Variants in ST3GAL3 observed in about 807,000 individuals in gnomAD.
The protein encoded by ST3GAL3 is CMP-N-acetylneuraminate-beta-1,4-galactoside alpha-2,3-sialyltransferase.
Under a neutral mutation model 50.1 loss-of-function variants are expected in ST3GAL3, and 21 were observed. The observed-to-expected ratio is 0.42, with a 90% CI of 0.30 to 0.60. The LOEUF is 0.60. Among genes scored for constraint, ST3GAL3 ranks in the 20% least tolerant of loss-of-function variants. The pLI is 0.19. For missense variants in ST3GAL3, 353 were observed against 489.4 expected, an observed-to-expected ratio of 0.72 and a Z score of 2.63; for synonymous variants, 183 against 190.0, an observed-to-expected ratio of 0.96 and a Z score of 0.30.
At chr1:43,923,404 T>C (rs1422791351) in intron 11 of ST3GAL3, among the ~76,000 whole-genome samples, 1 of 152,214 alleles carries the variant, frequency 6.6e-6, no homozygotes, top group Non-Finnish European at 1.5e-5. Flanking sequence ...TTTTGGTTCT[T>C]AGCCCCTTCA....
In ST3GAL3 at chr1:43,899,058, C is replaced by A; in HGVS notation, c.462-110C>A. On this transcript the variant is annotated intron_variant, in intron 7 of 11. Coordinates refer to ENST00000347631, the MANE Select transcript of ST3GAL3 (RefSeq NM_006279.5). This position sits in a 1 kb window ranked among gnomAD's most constrained non-coding sequence, Gnocchi z 5.4. ...CCAGAAGCCCATTGGTCTTCTTCCT[C>A]TATCCCAGCCTGGTCCTGGACAAGG... The A allele has an allele frequency of 6.7e-7, 1 of 1,503,018 alleles. No homozygotes were observed. The highest frequency in any genetic ancestry group is 1.9e-5 in the Admixed American group (1 of 54,010). 93.1% of individuals were successfully genotyped at this position (1,503,018 alleles called of 1,614,324 possible).
chr1:43,847,322 A>G (rs2066420252), intron 5 of ST3GAL3, among the ~76,000 whole-genome samples: 2 of 152,246 alleles, frequency 1.3e-5, no homozygotes, highest in Admixed American at 6.5e-5. Context: ...AACTGAAAGC[A>G]GGGCTCCAAA....
At chr1:43,735,549 C>G (rs1249510654) in intron 1 of ST3GAL3, among the ~76,000 whole-genome samples, 1 of 152,152 alleles carries the variant, frequency 6.6e-6, no homozygotes, top group Non-Finnish European at 1.5e-5. Flanking sequence ...GCTGCACGAA[C>G]TGAATTCAGC....
At position 43,724,038 on chromosome 1, in the gene ST3GAL3, T is replaced by C. The variant is rs116575253; in HGVS notation, c.-30-12195T>C. Among the ~76,000 whole-genome samples, 508 of 152,240 alleles carry C rather than the reference T, an allele frequency of 3.3e-3. 4 individuals are homozygous for C. Among genetic ancestry groups the C allele is most frequent in the African/African-American group, 0.012 (491 of 41,540 alleles). ...AATGAGAATGTAAGAAAGCCTAAGA[T>C]AGCACCCTGAGCTGCTCTCTATATT... On this transcript the variant is annotated intron_variant, in intron 1 of 11. Transcript: ENST00000347631.
intron 2 of ST3GAL3, among the ~76,000 whole-genome samples, chr1:43,771,643 C>T (rs2154132924): frequency 6.6e-6 from 1 of 152,216 alleles, no homozygotes; most frequent in South Asian, 2.1e-4. Context: ...AGGCGTGAGC[C>T]ACCGCGCCCG....
intron 4 of ST3GAL3, among the ~76,000 whole-genome samples, chr1:43,824,062 T>A (rs2154186162): frequency 6.6e-6 from 1 of 152,362 alleles, no homozygotes. Flanking sequence ...ATATTCACAA[T>A]GCCTAGTATA....
At chr1:43,759,055 AAAAGC>A (rs1230942778) in intron 2 of ST3GAL3, among the ~76,000 whole-genome samples, 1 of 119,360 alleles carries the variant, frequency 8.4e-6, no homozygotes, top group African/African-American at 3.8e-5. Flanking sequence ...AAAAACAAAC[AAAAGC>A]GCGCGCACAC....
chr1:43,779,023 A>G (rs571004781), intron 2 of ST3GAL3, among the ~76,000 whole-genome samples: 16 of 147,340 alleles, frequency 1.1e-4, no homozygotes, highest in African/African-American at 4.1e-4. Flanking sequence ...GCTCACTGCA[A>G]CCTCCACCTC....
intron 5 of ST3GAL3, among the ~76,000 whole-genome samples, chr1:43,863,595 C>A (rs953590776): frequency 6.6e-6 from 1 of 152,184 alleles, no homozygotes; most frequent in Non-Finnish European, 1.5e-5. Context: ...TTCTGCAATT[C>A]GGAGATCATA....
chr1:43,920,175 GTTACACAC>G, intron 9 of ST3GAL3: 3 of 596,000 alleles, frequency 5.0e-6, no homozygotes, highest in South Asian at 1.9e-5. Flanking sequence ...ATCCTCCTCT[GTTACACAC>G]TGGAGCCCCA....
chr1:43,900,435 T>G (rs2078106168), intron 9 of ST3GAL3, among the ~76,000 whole-genome samples: 1 of 152,166 alleles, frequency 6.6e-6, no homozygotes, highest in Non-Finnish European at 1.5e-5. Context: ...AACTGCTCTT[T>G]AGGAGACCAC....
intron 7 of ST3GAL3, among the ~76,000 whole-genome samples, chr1:43,898,663 C>A (rs1482140556): frequency 6.6e-6 from 1 of 152,152 alleles, no homozygotes; most frequent in African/African-American, 2.4e-5. Context: ...AACCAACAGA[C>A]CCTAGAGCAG....
chr1:43,851,864 G>A (rs1482568187), intron 5 of ST3GAL3, among the ~76,000 whole-genome samples: 2 of 152,162 alleles, frequency 1.3e-5, no homozygotes, highest in African/African-American at 2.4e-5. Flanking sequence ...CACCAGCAAC[G>A]TGACTGGCCG....
chr1:43,850,636 T>A, intron 5 of ST3GAL3: 1 of 752,472 alleles, frequency 1.3e-6, no homozygotes, highest in African/African-American at 1.7e-5. Flanking sequence ...TCAGCCCTTC[T>A]GCCATCTGTG....
intron 5 of ST3GAL3, chr1:43,841,449 C>G (rs1246873391): frequency 6.6e-6 from 1 of 152,256 alleles, no homozygotes; most frequent in African/African-American, 2.4e-5. Context: ...TCTGTGCACT[C>G]TTAATACCAC....
rs2061346144 is a variant in ST3GAL3 at position 43,817,240 on chromosome 1, C to T, written c.209+2307C>T. On this transcript the variant is annotated intron_variant, in intron 4 of 11. Coordinates refer to ENST00000347631, the MANE Select transcript of ST3GAL3 (RefSeq NM_006279.5). ...CCTATGGTTTTATGAAAAATAAAAGCGTTCCATAAAGTATGAATAAATATG... is the reference window on the plus strand; with the variant it reads ...CCTATGGTTTTATGAAAAATAAAAGTGTTCCATAAAGTATGAATAAATATG... Among the ~76,000 whole-genome samples the T allele has an allele frequency of 2.6e-5, 4 of 152,118 alleles. No individual in the cohort carries two copies. The South Asian group carries it at 8.3e-4, about 31-fold the overall frequency.
chr1:43,903,988 C>T (rs994889171), intron 9 of ST3GAL3, among the ~76,000 whole-genome samples: 1 of 152,114 alleles, frequency 6.6e-6, no homozygotes, highest in Non-Finnish European at 1.5e-5. Context: ...CAGTCTATAG[C>T]AAATAGTAAT....
chr1:43,815,080 G>T (rs2061065505), intron 4 of ST3GAL3, 147 bp downstream of exon 4: 1 of 853,478 alleles, frequency 1.2e-6, no homozygotes. Flanking sequence ...CAGAATCTTG[G>T]GGCATGTTAC....
chr1:43,753,278 T>C (rs528521656), intron 2 of ST3GAL3, among the ~76,000 whole-genome samples: 6 of 152,236 alleles, frequency 3.9e-5, no homozygotes, highest in Admixed American at 3.3e-4. Flanking sequence ...GACTGCTTAA[T>C]GAAATAGTGG....
Sources: allele counts gnomAD v4.1 joint callset (sites outside exome capture counted in the v4.1 genomes callset), GRCh38; gene constraint gnomAD v4.1.1; non-coding constraint Gnocchi (gnomAD v3.1); transcripts MANE v1.5; gene names NCBI Gene and HGNC (gene_info 2026-07-23, HGNC 2026-07-21).